HSPA9: variants seen among roughly 807,000 people sequenced by gnomAD.
The protein encoded by HSPA9 is heat shock protein family A (Hsp70) member 9, also known as stress-70 protein, mitochondrial.
Under a neutral mutation model 81.5 loss-of-function variants are expected in HSPA9, and 28 were observed. The observed-to-expected ratio is 0.34, with a 90% CI of 0.25 to 0.47. The LOEUF is 0.47. HSPA9 is among the 20% of genes least tolerant of loss of function. HSPA9 has a pLI of 1.00. For missense variants in HSPA9, 678 were observed against 838.0 expected, an observed-to-expected ratio of 0.81 and a Z score of 2.36; for synonymous variants, 293 against 290.4, an observed-to-expected ratio of 1.01 and a Z score of -0.09.
intron 3 of HSPA9, among the ~76,000 whole-genome samples, chr5:138,571,720 C>T (rs982394985): frequency 6.6e-6 from 1 of 150,974 alleles, no homozygotes; most frequent in African/African-American, 2.4e-5. Context: ...GATCTCGGCT[C>T]ACTGCAAACT....
At chr5:138,569,117 A>G (rs1750825855) in intron 4 of HSPA9, 68 bp from the exon 5 acceptor site, 1 of 1,463,238 alleles carries the variant, frequency 6.8e-7, no homozygotes, top group East Asian at 2.3e-5. Flanking sequence ...ATTACCACAT[A>G]CCATGAACAT....
At chr5:138,570,815 T>A in intron 4 of HSPA9, 145 bp downstream of exon 4, 1 of 789,996 alleles carries the variant, frequency 1.3e-6, no homozygotes, top group East Asian at 2.5e-5. Context: ...ATTACCCTTT[T>A]GGCAGTGGTA....
chr5:138,566,895 T>C (rs562240548), intron 8 of HSPA9, 106 bp downstream of exon 8: 1 of 1,268,088 alleles, frequency 7.9e-7, no homozygotes, highest in South Asian at 1.2e-5. Context: ...TATCTGTGTC[T>C]AGAATAAGGG....
chr5:138,561,723 T>C lies in HSPA9; in HGVS notation c.1039A>G (p.Thr347Ala). ...SGPKHLNMKL[T>A]RAQFEGIVTD... ...ACAATCCCTTCAAATTGAGCACGGG[T>C]CAACTTCATATTCAAATGCTTGGGT... Residue 347 changes from threonine to alanine, a missense_variant, in exon 10 of 17, where the codon ACC becomes GCC. By Grantham distance (58) the Thr-to-Ala change is moderately conservative. Transcript: ENST00000297185. 1 of 1,614,158 alleles carries C rather than the reference T, an allele frequency of 6.2e-7. No individual in the cohort carries two copies. Among genetic ancestry groups the C allele is most frequent in the Non-Finnish European group, 8.5e-7 (1 of 1,180,008 alleles).
intron 15 of HSPA9, 24 bp downstream of exon 15, chr5:138,556,750 G>T (rs371070755): frequency 5.1e-5 from 81 of 1,590,416 alleles, no homozygotes; most frequent in Non-Finnish European, 6.3e-5. Context: ...TCAACCTCTT[G>T]AGTTACTTTA....
At chr5:138,562,093 C>T (rs1750674007) in intron 9 of HSPA9, among the ~76,000 whole-genome samples, 2 of 151,762 alleles carry the variant, frequency 1.3e-5, no homozygotes, top group South Asian at 4.2e-4. Flanking sequence ...CATGTGCCAC[C>T]ATGCCCAGCT....
At chr5:138,573,948 T>G (rs930928759) in intron 2 of HSPA9, 98 bp from the exon 3 acceptor site, 1 of 1,245,360 alleles carries the variant, frequency 8.0e-7, no homozygotes, top group Non-Finnish European at 1.2e-6. Flanking sequence ...AGTGGTATAC[T>G]ACATAATCTC....
intron 1 of HSPA9, 93 bp downstream of exon 1, chr5:138,575,145 T>A: frequency 1.2e-6 from 1 of 856,904 alleles, no homozygotes; most frequent in Non-Finnish European, 1.9e-6. Flanking sequence ...ACTGGAGAAT[T>A]CAAACCCTAA....
rs760971853 is a variant in HSPA9, at chr5:138,556,595, TAAAA to T, written c.1822-7_1822-4del. On this transcript the variant is annotated splice_polypyrimidine_tract_variant and splice_region_variant and intron_variant, in intron 15 of 16. Coordinates refer to ENST00000297185, the MANE Select transcript of HSPA9 (RefSeq NM_004134.7). ...ATCTCTTCTTTCAGCTTGTTGCACT[TAAAA>T]AAAGAAAACAAAAATCCTTACTTTT... is the stretch of plus-strand genomic sequence containing the variant. The T allele has an allele frequency of 2.5e-6, 4 of 1,613,678 alleles. No individual in the cohort carries two copies. Among genetic ancestry groups the T allele is most frequent in the East Asian group, 4.5e-5 (2 of 44,878 alleles).
At chr5:138,562,166 T>C (rs1171401957) in intron 9 of HSPA9, among the ~76,000 whole-genome samples, 5 of 150,730 alleles carry the variant, frequency 3.3e-5, no homozygotes, top group Admixed American at 3.3e-4. Flanking sequence ...CTCGATCTCT[T>C]GACCTCGTGA....
At position 138,559,893 on chromosome 5, in the gene HSPA9, T is replaced by G; in HGVS notation, c.1381A>C (p.Asn461His). The G allele has an allele frequency of 1.9e-6, 3 of 1,613,256 alleles. No homozygotes were observed. The highest frequency in any genetic ancestry group is 2.5e-6 in the Non-Finnish European group (3 of 1,179,216). The change falls in exon 11 of 17, where the codon AAT (asparagine) becomes CAT (histidine). Residue 461 changes from asparagine to histidine, a missense_variant. Physicochemically the swap from Asn to His is moderately conservative, Grantham distance 68. Transcript: ENST00000297185. ...GGVFTKLINR[N>H]TTIPTKKSQV... The stretch of plus-strand genomic sequence containing the variant: ...CTCTTCTTGGTTGGAATAGTGGTAT[T>G]CCTATTAATAAGTTTGGTAAAGACA...
chr5:138,559,952 G>A lies in HSPA9; in HGVS notation c.1322C>T (p.Thr441Ile). The stretch of plus-strand genomic sequence containing the variant: ...AGTTTCAATACCCAGAGACAGGGGA[G>A]TGACATCAAGGAGCAGCACATCCGT... ...DVTDVLLLDV[T>I]PLSLGIETLG... The change falls in exon 11 of 17, where the codon ACT (threonine) becomes ATT (isoleucine). Residue 441 changes from threonine (T) to isoleucine (I), a missense_variant. Physicochemically the swap from Thr to Ile is moderately conservative, Grantham distance 89 (BLOSUM62 -1). This residue lies in a region of HSPA9 where 484 missense variants were observed against 647.5 expected (regional missense o/e 0.75). Coordinates refer to ENST00000297185, the MANE Select transcript of HSPA9 (RefSeq NM_004134.7). 2 of 1,614,114 alleles carry A rather than the reference G, an allele frequency of 1.2e-6. No homozygotes were observed. Among genetic ancestry groups the A allele is most frequent in the Non-Finnish European group, 1.7e-6 (2 of 1,179,992 alleles).
At chr5:138,570,905 CTG>C in intron 4 of HSPA9, 53 bp downstream of exon 4, 1 of 1,454,730 alleles carries the variant, frequency 6.9e-7, no homozygotes, top group Non-Finnish European at 9.7e-7. Flanking sequence ...TGAGGCTCTT[CTG>C]TGTGGCCCTT....
At chr5:138,560,784 G>A (rs1005758071) in intron 10 of HSPA9, 17 of 372,288 alleles carry the variant, frequency 4.6e-5, no homozygotes, top group African/African-American at 1.1e-4. Context: ...TCTTGACCTC[G>A]TGATCCGCCC....
intron 4 of HSPA9, chr5:138,570,668 A>G: frequency 2.7e-6 from 1 of 364,214 alleles, no homozygotes; most frequent in Non-Finnish European, 5.3e-6. Context: ...GTATTTTAGT[A>G]GAGACAGGGT....
chr5:138,574,439 T>C (rs1294793255), intron 1 of HSPA9, among the ~76,000 whole-genome samples: 1 of 152,210 alleles, frequency 6.6e-6, no homozygotes, highest in Non-Finnish European at 1.5e-5. Flanking sequence ...CCCCAGTAAG[T>C]AAGTGACAAC....
intron 3 of HSPA9, 24 bp downstream of exon 3, chr5:138,573,739 G>A (rs780280914): frequency 1.7e-5 from 24 of 1,401,114 alleles, no homozygotes; most frequent in Non-Finnish European, 2.3e-5. Flanking sequence ...TCTGGATAAG[G>A]TACTAGTTAT....
chr5:138,570,717 T>C (rs256010), intron 4 of HSPA9: 418,582 of 439,400 alleles, frequency 0.95, 199,541 homozygotes, highest in East Asian at 0.99. Flanking sequence ...ACTCCTGACT[T>C]CAGGTGATCC....
rs370207086 is a variant in HSPA9, at chr5:138,575,311, C to T, written c.8G>A (p.Ser3Asn). The change falls in exon 1 of 17, where the codon AGT becomes AAT. Residue 3 changes from serine to asparagine, a missense_variant. Transcript: ENST00000297185. MI[S>N]ASRAAAARLV... is the part of the protein sequence containing the mutation. Reference sequence around the variant, plus strand: ...ACGGGCTGCTGCAGCTCGGCTGGCACTTATCATGGCGGATAAATGGAGGAG... The same window carrying T: ...ACGGGCTGCTGCAGCTCGGCTGGCATTTATCATGGCGGATAAATGGAGGAG... 5.0e-6 allele frequency: 8 copies of T among 1,611,800 alleles called. No individual in the cohort carries two copies. Among genetic ancestry groups the T allele is most frequent in the Admixed American group, 1.7e-5 (1 of 59,926 alleles).
Sources: gnomAD v4.1 joint callset for allele counts (sites outside exome capture counted in the v4.1 genomes callset) on GRCh38, gnomAD v4.1.1 for gene constraint, gnomAD v4.1.1 regional missense constraint, MANE v1.5 for transcripts, NCBI Gene and HGNC (gene_info 2026-07-23, HGNC 2026-07-21) for gene names.